The following SGK1 variants were observed in gnomAD, a reference collection of about 807,000 sequenced individuals.
SGK1 encodes serum/glucocorticoid regulated kinase 1.
SGK1 carries 26 observed loss-of-function variants against 64.2 expected under a neutral mutation model. That is an observed-to-expected ratio of 0.40 (90% confidence interval 0.30 to 0.56). The LOEUF is 0.56. Among genes scored for constraint, SGK1 ranks in the 20% least tolerant of loss-of-function variants. The pLI, the probability that SGK1 is intolerant of heterozygous loss-of-function variation, is 0.38. For synonymous variants in SGK1, 265 were observed against 239.7 expected, an observed-to-expected ratio of 1.11 and a Z score of -0.98; for missense variants, 519 against 645.6, an observed-to-expected ratio of 0.80 and a Z score of 2.12.
intron 3 of SGK1, among the ~76,000 whole-genome samples, chr6:134,186,640 T>C (rs1775427842): frequency 1.3e-5 from 2 of 152,198 alleles, no homozygotes; most frequent in African/African-American, 2.4e-5. Flanking sequence ...CTCAGTTGAT[T>C]GTGGTTCTTT....
chr6:134,194,219 T>C (rs752181902), intron 3 of SGK1, among the ~76,000 whole-genome samples: 6 of 152,140 alleles, frequency 3.9e-5, no homozygotes, highest in Non-Finnish European at 8.8e-5. Context: ...ATATATATTT[T>C]TGTTACAACT....
chr6:134,170,580 T>C (rs902989731), intron 13 of SGK1, 145 bp from the exon 14 acceptor site: 1 of 752,220 alleles, frequency 1.3e-6, no homozygotes, highest in African/African-American at 1.8e-5. Context: ...CTCAAAAGGC[T>C]ACACACAGTT....
At chr6:134,198,695 G>A (rs1775631913) in intron 3 of SGK1, among the ~76,000 whole-genome samples, 1 of 89,766 alleles carries the variant, frequency 1.1e-5, no homozygotes, top group Non-Finnish European at 2.8e-5. Flanking sequence ...CCACTTTATA[G>A]TGATTTTTTT....
intron 3 of SGK1, chr6:134,174,910 G>A (rs1356960771): frequency 1.3e-6 from 2 of 1,564,812 alleles, no homozygotes; most frequent in African/African-American, 1.4e-5. Flanking sequence ...ACCGCCGCGG[G>A]GGCGGGGCCT....
intron 2 of SGK1, among the ~76,000 whole-genome samples, chr6:134,209,160 G>A (rs991207746): frequency 2.6e-5 from 4 of 152,104 alleles, no homozygotes; most frequent in African/African-American, 4.8e-5. Context: ...CAGGCCAGGC[G>A]TGGTGGCTCA....
chr6:134,317,729 C>T lies in SGK1; in HGVS notation c.-269G>A, dbSNP rs1337177221. The T allele has an allele frequency of 7.6e-6, 3 of 392,686 alleles. No individual in the cohort carries two copies. In the East Asian group the frequency reaches 1.3e-4, roughly 17 times the overall value. 24.3% of individuals were successfully genotyped at this position (392,686 alleles called of 1,614,324 possible). ...ATCACCGCTGCAGGACCCTGGGGGCCGGACGGTGGGATACGGCCAATCTCC... is the reference window on the plus strand; with the variant it reads ...ATCACCGCTGCAGGACCCTGGGGGCTGGACGGTGGGATACGGCCAATCTCC... On this transcript the variant is annotated 5_prime_UTR_variant, in exon 1 of 14. Transcript: ENST00000367858.
chr6:134,186,978 G>A (rs760072196), intron 3 of SGK1, among the ~76,000 whole-genome samples: 38 of 151,904 alleles, frequency 2.5e-4, no homozygotes, highest in African/African-American at 4.8e-4. Flanking sequence ...CACTATGCCC[G>A]GCTAATTTTT....
chr6:134,297,685 T>G, intron 1 of SGK1: 1 of 434,672 alleles, frequency 2.3e-6, no homozygotes, highest in Non-Finnish European at 4.3e-6. Flanking sequence ...GTATTTTTAG[T>G]AGAGACAGGG....
intron 4 of SGK1, 41 bp downstream of exon 4, chr6:134,174,470 C>G: frequency 6.7e-7 from 1 of 1,483,230 alleles, no homozygotes; most frequent in Non-Finnish European, 9.4e-7. Context: ...CTGGCAAATT[C>G]AAACTATACT....
intron 2 of SGK1, among the ~76,000 whole-genome samples, chr6:134,231,182 C>A (rs1776272570): frequency 6.6e-6 from 1 of 152,072 alleles, no homozygotes; most frequent in South Asian, 2.1e-4. Context: ...GAGTGAGAAT[C>A]TGTATTAAAA....
At chr6:134,171,607 G>A (rs754218930) in intron 11 of SGK1, 30 bp downstream of exon 11, 2 of 1,480,678 alleles carry the variant, frequency 1.4e-6, no homozygotes, top group South Asian at 2.3e-5. Flanking sequence ...GGAGCAGGCA[G>A]TGTTCCATGG....
intron 1 of SGK1, among the ~76,000 whole-genome samples, chr6:134,287,665 A>G (rs1393747978): frequency 2.6e-5 from 4 of 151,994 alleles, no homozygotes; most frequent in Admixed American, 2.6e-4. Context: ...ATTTAATAGT[A>G]TTAAAGTGAG....
intron 3 of SGK1, among the ~76,000 whole-genome samples, chr6:134,200,329 A>G (rs1775661312): frequency 1.3e-5 from 2 of 152,098 alleles, no homozygotes; most frequent in African/African-American, 4.8e-5. Flanking sequence ...AGCATATGCC[A>G]CTTTTATGTT....
rs144042880 is a variant in SGK1 at position 134,188,580 on chromosome 6, G to A, written c.362-13994C>T. 2.2e-3 allele frequency among the ~76,000 whole-genome samples: 337 copies of A among 152,294 alleles called. 2 individuals are homozygous for A. The highest frequency in any genetic ancestry group is 7.6e-3 in the African/African-American group (315 of 41,562). ...AATTCAGCGGTGTTACCCATAGCAT[G>A]AGGGTATGACACACAGGCTTCACCT... On this transcript the variant is annotated intron_variant, in intron 3 of 13. Coordinates refer to ENST00000367858, the MANE Select transcript of SGK1 (RefSeq NM_001143676.3).
At chr6:134,282,111 G>C (rs917471454) in intron 1 of SGK1, among the ~76,000 whole-genome samples, 11 of 152,270 alleles carry the variant, frequency 7.2e-5, no homozygotes, top group African/African-American at 2.6e-4. Context: ...GTGATACCCT[G>C]ACCTCTGTCG....
intron 2 of SGK1, among the ~76,000 whole-genome samples, chr6:134,229,927 A>C (rs1412495403): frequency 6.6e-6 from 1 of 152,222 alleles, no homozygotes; most frequent in Admixed American, 6.5e-5. Flanking sequence ...TTCTAAGCTT[A>C]ATCTTTCTTT....
At chr6:134,190,576 A>T (rs1775495024) in intron 3 of SGK1, among the ~76,000 whole-genome samples, 1 of 151,990 alleles carries the variant, frequency 6.6e-6, no homozygotes, top group Non-Finnish European at 1.5e-5. Context: ...ATGAGCCACC[A>T]CGCCAAGCTT....
At chr6:134,171,331 T>G (rs962436698) in intron 11 of SGK1, 153 bp from the exon 12 acceptor site, 18 of 746,334 alleles carry the variant, frequency 2.4e-5, no homozygotes, top group Non-Finnish European at 3.8e-5. Context: ...GCTATTTAAG[T>G]GTCTACTTTG....
chr6:134,228,415 G>C (rs1562258342), intron 2 of SGK1, among the ~76,000 whole-genome samples: 2 of 152,008 alleles, frequency 1.3e-5, no homozygotes, highest in Non-Finnish European at 2.9e-5. Flanking sequence ...TTCATTTCTA[G>C]AACATAACAT....
Sources: gnomAD v4.1 joint callset for allele counts (sites outside exome capture counted in the v4.1 genomes callset) on GRCh38, gnomAD v4.1.1 for gene constraint, MANE v1.5 for transcripts, NCBI Gene and HGNC (gene_info 2026-07-23, HGNC 2026-07-21) for gene names.